MAGI2: variants seen among roughly 807,000 people sequenced by gnomAD.
The protein encoded by MAGI2 is membrane associated guanylate kinase, WW and PDZ domain containing 2, also known as membrane-associated guanylate kinase, WW and PDZ domain-containing protein 2.
A neutral mutation model predicts 133.3 loss-of-function variants in MAGI2; 35 were observed. The observed-to-expected ratio is 0.26, with a 90% CI of 0.20 to 0.35. The LOEUF (loss-of-function observed/expected upper bound fraction) is 0.35, where lower values mean the gene tolerates loss of function less well. MAGI2 is among the 10% of genes least tolerant of loss of function. MAGI2 has a pLI of 1.00. For synonymous variants in MAGI2, 729 were observed against 710.6 expected, an observed-to-expected ratio of 1.03 and a Z score of -0.41; for missense variants, 1,636 against 1,863.4, an observed-to-expected ratio of 0.88 and a Z score of 2.25.
At chr7:78,072,587 G>C (rs1416137268) in intron 21 of MAGI2, 1 of 223,022 alleles carries the variant, frequency 4.5e-6, no homozygotes, top group Non-Finnish European at 8.7e-6. Context: ...ATTGTCTGGA[G>C]TTTATTTTTG....
In MAGI2 at chr7:78,398,290, C is replaced by CT. The variant is rs201759707; in HGVS notation, c.1046-29078dup. Among the ~76,000 whole-genome samples, 1,459 of 152,202 alleles carry CT rather than the reference C, an allele frequency of 9.6e-3. 27 individuals carry two copies. Among genetic ancestry groups the CT allele is most frequent in the African/African-American group, 0.033 (1,355 of 41,526 alleles). The stretch of plus-strand genomic sequence containing the variant: ...GTGACTCGATGGTGAACTCATGCGG[C>CT]TTTTTTTGTCTGGATCTGGAGGATG... On this transcript the variant is annotated intron_variant, in intron 6 of 21. Coordinates refer to ENST00000354212, the MANE Select transcript of MAGI2 (RefSeq NM_012301.4).
chr7:78,079,131 A>G, intron 20 of MAGI2, 46 bp from the exon 21 acceptor site: 1 of 1,579,174 alleles, frequency 6.3e-7, no homozygotes. Flanking sequence ...GGTTTTACTC[A>G]AGTTGCATTG....
intron 1 of MAGI2, among the ~76,000 whole-genome samples, chr7:79,317,331 A>G (rs1470431857): frequency 6.6e-6 from 1 of 152,046 alleles, no homozygotes; most frequent in Non-Finnish European, 1.5e-5. Context: ...GCCAAACTGT[A>G]GCTTTTAGAA....
chr7:78,315,550 C>G (rs565207721), intron 9 of MAGI2, among the ~76,000 whole-genome samples: 1 of 152,106 alleles, frequency 6.6e-6, no homozygotes, highest in African/African-American at 2.4e-5. Context: ...GCTCCTTGTT[C>G]GCATACACCC....
chr7:79,247,757 CTTGT>C (rs1225355523), intron 1 of MAGI2, among the ~76,000 whole-genome samples: 1 of 152,070 alleles, frequency 6.6e-6, no homozygotes, highest in Non-Finnish European at 1.5e-5. Context: ...TTTCTCTTTG[CTTGT>C]TTGTTTATGC....
chr7:78,279,583 A>G (rs1258089583), intron 9 of MAGI2, among the ~76,000 whole-genome samples: 1 of 152,102 alleles, frequency 6.6e-6, no homozygotes, highest in East Asian at 1.9e-4. Context: ...AAGAAGGGAG[A>G]AGTCAGGTGG....
chr7:79,295,934 A>C (rs771430633), intron 1 of MAGI2, among the ~76,000 whole-genome samples: 4 of 152,236 alleles, frequency 2.6e-5, no homozygotes, highest in Non-Finnish European at 4.4e-5. Context: ...ATATTATTTT[A>C]GGCTTATTTA....
chr7:79,015,702 T>C (rs1225495859), intron 1 of MAGI2, among the ~76,000 whole-genome samples: 1 of 152,078 alleles, frequency 6.6e-6, no homozygotes, highest in Non-Finnish European at 1.5e-5. Flanking sequence ...GTTTTTACTG[T>C]AGAAAAATGT....
chr7:79,421,840 T>C (rs1435382502), intron 1 of MAGI2, among the ~76,000 whole-genome samples: 2 of 152,092 alleles, frequency 1.3e-5, no homozygotes, highest in South Asian at 2.1e-4. Flanking sequence ...CTAATCAGTA[T>C]GCATATGTCA....
chr7:78,910,281 T>TTA (rs1554603669), intron 2 of MAGI2, among the ~76,000 whole-genome samples: 12,894 of 148,710 alleles, frequency 0.087, 633 homozygotes, highest in East Asian at 0.17. Context: ...TTTTTTTTTT[T>TTA]AAAGGAAAAA....
intron 2 of MAGI2, among the ~76,000 whole-genome samples, chr7:78,887,952 C>T (rs897156970): frequency 6.6e-6 from 1 of 152,174 alleles, no homozygotes; most frequent in African/African-American, 2.4e-5. Flanking sequence ...CTGGCAAGTG[C>T]AAGGGGTCAG....
chr7:78,970,845 G>A (rs1034973740), intron 2 of MAGI2, among the ~76,000 whole-genome samples: 2 of 152,038 alleles, frequency 1.3e-5, no homozygotes, highest in South Asian at 2.1e-4. Flanking sequence ...ATCAGTGCCT[G>A]GGAGCCCAGA....
At chr7:78,203,381 G>A (rs1022330742) in intron 10 of MAGI2, among the ~76,000 whole-genome samples, 1 of 152,194 alleles carries the variant, frequency 6.6e-6, no homozygotes, top group African/African-American at 2.4e-5. Flanking sequence ...TACCGTCTCA[G>A]GAGTTATGGT....
chr7:79,265,581 C>T (rs1375104079), intron 1 of MAGI2, among the ~76,000 whole-genome samples: 2 of 151,992 alleles, frequency 1.3e-5, no homozygotes, highest in Non-Finnish European at 2.9e-5. Flanking sequence ...TATAAATATG[C>T]ATATGTGTAT....
At chr7:78,155,120 T>C (rs772247900) in intron 16 of MAGI2, among the ~76,000 whole-genome samples, 3 of 152,256 alleles carry the variant, frequency 2.0e-5, no homozygotes, top group Non-Finnish European at 2.9e-5. Context: ...ATGAACATTT[T>C]GCATATAAGT....
At chr7:78,648,844 T>C (rs1377906118) in intron 2 of MAGI2, among the ~76,000 whole-genome samples, 10 of 152,174 alleles carry the variant, frequency 6.6e-5, no homozygotes, top group Non-Finnish European at 1.5e-4. Flanking sequence ...ATCCTGCTGC[T>C]TGCCTCTTCC....
chr7:79,396,182 T>G (rs867038277), intron 1 of MAGI2, among the ~76,000 whole-genome samples: 2 of 152,204 alleles, frequency 1.3e-5, no homozygotes, highest in Admixed American at 6.5e-5. Context: ...CAGCATCCTT[T>G]GCAGTTAGGT....
chr7:78,126,059 C>A lies in MAGI2; in HGVS notation c.3424-222G>T, dbSNP rs1003336850. 5.3e-5 allele frequency among the ~76,000 whole-genome samples: 8 copies of A among 152,166 alleles called. No individual in the cohort carries two copies. The East Asian group carries it at 1.5e-3, about 29-fold the overall frequency. ...AGTTTACTTGGTCATCAAAGAATTA[C>A]TGTGTAGCTTGTTTACTTTGGTATT... is the stretch of plus-strand genomic sequence containing the variant. On this transcript the variant is annotated intron_variant, in intron 19 of 21. Coordinates refer to ENST00000354212, the MANE Select transcript of MAGI2 (RefSeq NM_012301.4).
At chr7:78,434,264 G>A (rs1000369763) in intron 6 of MAGI2, among the ~76,000 whole-genome samples, 1 of 152,168 alleles carries the variant, frequency 6.6e-6, no homozygotes, top group East Asian at 1.9e-4. Context: ...ATTGTATAGA[G>A]AGGAGAACCT....
Sources: gnomAD v4.1 joint callset for allele counts (sites outside exome capture counted in the v4.1 genomes callset) on GRCh38, gnomAD v4.1.1 for gene constraint, MANE v1.5 for transcripts, NCBI Gene and HGNC (gene_info 2026-07-23, HGNC 2026-07-21) for gene names.